The following ARB2A variants were observed in gnomAD, a reference collection of about 807,000 sequenced individuals.
ARB2A encodes cotranscriptional regulator ARB2A.
the ARB2A span, among the ~76,000 whole-genome samples, chr5:93,790,737 G>A: frequency 6.6e-6 from 1 of 152,116 alleles, no homozygotes; most frequent in Non-Finnish European, 1.5e-5. Context: ...TTTCTACATA[G>A]AGGTAGTGTA....
the ARB2A span, among the ~76,000 whole-genome samples, chr5:93,634,782 C>CT: frequency 0.067 from 9,972 of 149,242 alleles, 519 homozygotes; most frequent in Admixed American, 0.17. Flanking sequence ...CTCATTTTCT[C>CT]TTTTTTTTTT....
the ARB2A span, among the ~76,000 whole-genome samples, chr5:94,098,343 A>C: frequency 6.6e-6 from 1 of 152,214 alleles, no homozygotes; most frequent in African/African-American, 2.4e-5. Flanking sequence ...GCTCAAAACC[A>C]TACAAATACA....
chr5:94,061,442 C>G, the ARB2A span, among the ~76,000 whole-genome samples: 1 of 152,132 alleles, frequency 6.6e-6, no homozygotes, highest in African/African-American at 2.4e-5. Context: ...CAACATAGTA[C>G]TGAAAGTCCT....
At chr5:93,869,152 G>A in the ARB2A span, among the ~76,000 whole-genome samples, 3 of 152,094 alleles carry the variant, frequency 2.0e-5, no homozygotes, top group Non-Finnish European at 4.4e-5. Flanking sequence ...AGTAATACAC[G>A]AGACTAGCGT....
At chr5:94,074,718 G>T in the ARB2A span, 2 of 1,612,296 alleles carry the variant, frequency 1.2e-6, no homozygotes, top group Non-Finnish European at 1.7e-6. Context: ...ATCCAAATTG[G>T]CAACAAAATT....
chr5:94,105,600 A>G, the ARB2A span, among the ~76,000 whole-genome samples: 1 of 152,182 alleles, frequency 6.6e-6, no homozygotes, highest in South Asian at 2.1e-4. Flanking sequence ...CAAGCTACCA[A>G]TGACATTTTT....
At chr5:93,624,197 A>G in the ARB2A span, among the ~76,000 whole-genome samples, 1 of 152,188 alleles carries the variant, frequency 6.6e-6, no homozygotes, top group African/African-American at 2.4e-5. Flanking sequence ...GTAGAAGTTT[A>G]GGTCAATCAA....
At chr5:94,035,339 CATA>C in the ARB2A span, among the ~76,000 whole-genome samples, 1 of 151,900 alleles carries the variant, frequency 6.6e-6, no homozygotes, top group East Asian at 1.9e-4. Flanking sequence ...ATTTTTTAAA[CATA>C]ATGAGTTTAT....
chr5:93,620,365 G>A, the ARB2A span: 44 of 150,308 alleles, frequency 2.9e-4, no homozygotes, highest in African/African-American at 1.0e-3. Flanking sequence ...TTCTGGTCCC[G>A]AAATGAAAAC....
At chr5:93,921,157 T>TA in the ARB2A span, among the ~76,000 whole-genome samples, 38,020 of 123,994 alleles carry the variant, frequency 0.31, 5,829 homozygotes, top group African/African-American at 0.4. Flanking sequence ...AAGACCATGT[T>TA]AAAAAAAAAA....
the ARB2A span, among the ~76,000 whole-genome samples, chr5:93,895,118 T>C: frequency 1.3e-5 from 2 of 152,152 alleles, no homozygotes; most frequent in African/African-American, 4.8e-5. Flanking sequence ...TATCAAACAG[T>C]AATAAAGAGC....
chr5:93,873,345 GA>G, the ARB2A span, among the ~76,000 whole-genome samples: 5 of 10,230 alleles, frequency 4.9e-4, 1 homozygote, highest in African/African-American at 5.4e-4. Flanking sequence ...GAAAGGAAAG[GA>G]AAGGAAAGGA....
the ARB2A span, among the ~76,000 whole-genome samples, chr5:94,055,418 G>A: frequency 6.6e-6 from 1 of 152,040 alleles, no homozygotes; most frequent in African/African-American, 2.4e-5. Flanking sequence ...AAAGTATTTT[G>A]TCTACCTTCA....
At chr5:94,071,186 A>G in the ARB2A span, among the ~76,000 whole-genome samples, 1 of 152,148 alleles carries the variant, frequency 6.6e-6, no homozygotes, top group African/African-American at 2.4e-5. Flanking sequence ...TAGTTTATTC[A>G]TTCAACAGAA....
chr5:93,929,360 G>A, the ARB2A span, among the ~76,000 whole-genome samples: 1 of 152,100 alleles, frequency 6.6e-6, no homozygotes, highest in Non-Finnish European at 1.5e-5. Context: ...TATGGTAGTT[G>A]TATCTGACCT....
chr5:93,677,580 G>C, the ARB2A span, among the ~76,000 whole-genome samples: 1 of 152,218 alleles, frequency 6.6e-6, no homozygotes, highest in African/African-American at 2.4e-5. Context: ...AGGCAGGCAC[G>C]AGAGGCTATT....
At chr5:93,986,998 C>T in the ARB2A span, among the ~76,000 whole-genome samples, 1 of 151,214 alleles carries the variant, frequency 6.6e-6, no homozygotes, top group South Asian at 2.1e-4. Flanking sequence ...GAGAAACACC[C>T]AAGAATGATC....
chr5:93,688,193 C>G, the ARB2A span, among the ~76,000 whole-genome samples: 6,727 of 152,186 alleles, frequency 0.044, 459 homozygotes, highest in African/African-American at 0.15. Flanking sequence ...AGGCTGGTCT[C>G]AAACCTCTGA....
At chr5:94,003,495 AATTGAGT>A in the ARB2A span, among the ~76,000 whole-genome samples, 1 of 152,168 alleles carries the variant, frequency 6.6e-6, no homozygotes, top group African/African-American at 2.4e-5. Context: ...TCCTGAAACA[AATTGAGT>A]ACAGCAAGAA....
Sources: allele counts gnomAD v4.1 joint callset (sites outside exome capture counted in the v4.1 genomes callset), GRCh38; gene constraint gnomAD v4.1.1; transcripts MANE v1.5; gene names NCBI Gene and HGNC (gene_info 2026-07-23, HGNC 2026-07-21).